The following SPEF2 variants were observed in gnomAD, a reference collection of about 807,000 sequenced individuals.
The protein encoded by SPEF2 is sperm flagellar and cilia associated 2, also known as sperm flagella and cilia-associated protein 2.
A neutral mutation model predicts 224.6 loss-of-function variants in SPEF2; 187 were observed. That is an observed-to-expected ratio of 0.83 (90% CI 0.74 to 0.94). The LOEUF is 0.94. Ranked by LOEUF, SPEF2 falls within the 40% of genes least tolerant of loss-of-function variation. SPEF2 has a pLI of 0.00. For missense variants in SPEF2, 2,170 were observed against 2,135.6 expected, an observed-to-expected ratio of 1.02 and a Z score of -0.32; for synonymous variants, 715 against 707.3, an observed-to-expected ratio of 1.01 and a Z score of -0.17.
rs115467404 is a variant in SPEF2, at chr5:35,735,575, C to T, written c.3064-4344C>T. ...GGGAGATTAGATAATGTATCTGTAG[C>T]ATTTGGCATTTCTTGATTGGAGAGG... On this transcript the variant is annotated intron_variant, in intron 21 of 36. Coordinates refer to ENST00000356031, the MANE Select transcript of SPEF2 (RefSeq NM_024867.4). Among the ~76,000 whole-genome samples the T allele has an allele frequency of 2.6e-3, 400 of 152,310 alleles. 1 individual carries two copies. Among genetic ancestry groups the T allele is most frequent in the Non-Finnish European group, 4.7e-3 (317 of 68,034 alleles).
In SPEF2 at chr5:35,715,816, C is replaced by CCTTTTTTTTTTTTTTTTTTTTTT. The variant is rs70973054; in HGVS notation, c.2914+2930_2914+2931insCTTTTTTTTTTTTTTTTTTTTTT. ...TCTGTGAAATAGGGGGATATAATTT[C>CCTTTTTTTTTTTTTTTTTTTTTT]TTTTTTTTTTTTTTTTTGAGACAGA... On this transcript the variant is annotated intron_variant, in intron 20 of 36. Coordinates refer to ENST00000356031, the MANE Select transcript of SPEF2 (RefSeq NM_024867.4). 1.7e-5 allele frequency among the ~76,000 whole-genome samples: 2 copies of CCTTTTTTTTTTTTTTTTTTTTTT among 117,936 alleles called. 1 individual carries two copies. The allele number at this position is 117,936 out of a possible 152,430, so 77.4% of individuals were successfully genotyped here. A position where few individuals can be genotyped will look rare whatever the true frequency, so the allele number is the denominator to read the frequency against.
At chr5:35,719,852 C>T (rs140894051) in intron 20 of SPEF2, among the ~76,000 whole-genome samples, 1 of 152,128 alleles carries the variant, frequency 6.6e-6, no homozygotes, top group Non-Finnish European at 1.5e-5. Context: ...GAACCACTGA[C>T]CTCATGGTCC....
intron 30 of SPEF2, among the ~76,000 whole-genome samples, chr5:35,780,461 A>G (rs527342763): frequency 3.0e-4 from 45 of 152,268 alleles, no homozygotes; most frequent in Admixed American, 8.5e-4. Context: ...ATAAAAGCCC[A>G]CACTTCAGCT....
intron 36 of SPEF2, among the ~76,000 whole-genome samples, chr5:35,812,884 G>T (rs1242718573): frequency 6.6e-6 from 1 of 152,138 alleles, no homozygotes; most frequent in Non-Finnish European, 1.5e-5. Flanking sequence ...TATTCTCTAA[G>T]CTTCTCCTTT....
At chr5:35,757,564 A>G (rs562408060) in intron 24 of SPEF2, among the ~76,000 whole-genome samples, 9 of 152,250 alleles carry the variant, frequency 5.9e-5, no homozygotes, top group Admixed American at 5.2e-4. Flanking sequence ...ATTTGATCCT[A>G]TTCACCATAA....
Position 35,777,664 on chromosome 5 carries a change from C to CAAATAAATAAATAAATAAAT in SPEF2, c.4217+1299_4217+1318dup, listed in dbSNP as rs35899152. On this transcript the variant is annotated intron_variant, in intron 29 of 36. Coordinates refer to ENST00000356031, the MANE Select transcript of SPEF2 (RefSeq NM_024867.4). ...GAAGTTAAAACCTAGAAATGTGATACAAATAAATAAATAAATAAATAAATA... is the reference window on the plus strand; with the variant it reads ...GAAGTTAAAACCTAGAAATGTGATACAAATAAATAAATAAATAAATAAATAAATAAATAAATAAATAAATA... 1.3e-3 allele frequency among the ~76,000 whole-genome samples: 194 copies of CAAATAAATAAATAAATAAAT among 144,060 alleles called. 1 individual carries two copies. Among genetic ancestry groups the CAAATAAATAAATAAATAAAT allele is most frequent in the Middle Eastern group, 3.6e-3 (1 of 278 alleles). 94.5% of individuals were successfully genotyped at this position (144,060 alleles called of 152,430 possible).
intron 2 of SPEF2, among the ~76,000 whole-genome samples, chr5:35,637,858 G>T (rs2149392735): frequency 6.6e-6 from 1 of 152,244 alleles, no homozygotes; most frequent in South Asian, 2.1e-4. Context: ...GCCAGGGTAG[G>T]TAGGTCAGTG....
In SPEF2 at chr5:35,695,692, G is replaced by A. The variant is rs754890897; in HGVS notation, c.1976-43G>A. 54 of 1,537,526 alleles carry A rather than the reference G, an allele frequency of 3.5e-5. No homozygotes were observed. The South Asian group carries it at 5.4e-4, about 15-fold the overall frequency. On this transcript the variant is annotated intron_variant, in intron 13 of 36. Coordinates refer to ENST00000356031, the MANE Select transcript of SPEF2 (RefSeq NM_024867.4). The stretch of plus-strand genomic sequence containing the variant: ...TCAAATACTGCTTTGGTTGTTAGGT[G>A]TAAATACCAGAAATTTGTTCTTACC...
At chr5:35,730,515 A>T (rs1745470296) in intron 21 of SPEF2, among the ~76,000 whole-genome samples, 1 of 152,254 alleles carries the variant, frequency 6.6e-6, no homozygotes, top group African/African-American at 2.4e-5. Context: ...AGGCTGACAG[A>T]CATAGGACTC....
intron 4 of SPEF2, among the ~76,000 whole-genome samples, chr5:35,646,030 A>G (rs903995190): frequency 1.1e-4 from 16 of 152,228 alleles, no homozygotes; most frequent in East Asian, 3.9e-4. Flanking sequence ...TTACTTTTAA[A>G]ATACTTTATC....
At chr5:35,761,597 C>T (rs1403491907) in intron 25 of SPEF2, among the ~76,000 whole-genome samples, 1 of 151,970 alleles carries the variant, frequency 6.6e-6, no homozygotes, top group Middle Eastern at 3.2e-3. Context: ...ACAAGAATAT[C>T]TAAGAGTAAA....
rs574786082 is a variant in SPEF2 at position 35,763,428 on chromosome 5, C to A, written c.3621-94C>A. On this transcript the variant is annotated intron_variant, in intron 25 of 36. Coordinates refer to ENST00000356031, the MANE Select transcript of SPEF2 (RefSeq NM_024867.4). ...GAAAACTTTGAAAATTGAGATTAAACCAAGACAGTAAAATTTACAAAGTAA... is the reference window on the plus strand; with the variant it reads ...GAAAACTTTGAAAATTGAGATTAAAACAAGACAGTAAAATTTACAAAGTAA... 11 of 1,184,120 alleles carry A rather than the reference C, an allele frequency of 9.3e-6. No homozygotes were observed. The African/African-American group carries it at 1.2e-4, about 13-fold the overall frequency. The allele number at this position is 1,184,120 out of a possible 1,614,324, so 73.4% of individuals were successfully genotyped here.
intron 2 of SPEF2, among the ~76,000 whole-genome samples, chr5:35,633,200 A>G (rs1047701996): frequency 7.2e-5 from 11 of 152,118 alleles, no homozygotes; most frequent in African/African-American, 2.4e-4. Context: ...GATCTTCTGC[A>G]TAGTTGCTGT....
chr5:35,670,396 C>T, intron 10 of SPEF2, 169 bp downstream of exon 10: 1 of 1,360,314 alleles, frequency 7.4e-7, no homozygotes, highest in Non-Finnish European at 9.4e-7. Flanking sequence ...GATGCTTAAA[C>T]TATACATAAG....
rs1215386029 is a variant in SPEF2 at position 35,646,678 on chromosome 5, C to A, written c.597C>A (p.Asn199Lys). Residue 199 changes from asparagine to lysine, a missense_variant, in exon 5 of 37, where the codon AAC becomes AAA. Transcript: ENST00000356031. The stretch of plus-strand genomic sequence containing the variant: ...TATGGGATATTCAGCAATACTTAAA[C>A]AGAAGACGACAAAATGAAATAATGG... ...RCFDIEKQYL[N>K]RRRQNEIMAK... The A allele has an allele frequency of 6.2e-7, 1 of 1,613,422 alleles. No individual in the cohort carries two copies. The highest frequency in any genetic ancestry group is 2.2e-5 in the East Asian group (1 of 44,810).
chr5:35,697,718 A>G lies in SPEF2; in HGVS notation c.2066A>G (p.Lys689Arg). The G allele has an allele frequency of 6.2e-7, 1 of 1,613,474 alleles. No homozygotes were observed. Among genetic ancestry groups the G allele is most frequent in the Non-Finnish European group, 8.5e-7 (1 of 1,179,688 alleles). Residue 689 changes from lysine (K) to arginine (R), a missense_variant, in exon 15 of 37, where the codon AAA (lysine) becomes AGA (arginine). Coordinates refer to ENST00000356031, the MANE Select transcript of SPEF2 (RefSeq NM_024867.4). ...ACTACACGTGCTCAGCTTGGTGCAA[A>G]ATCAGAACAGTTGCTGAAGAAAGGA... ...KLTTRAQLGA[K>R]SEQLLKKGKS...
intron 2 of SPEF2, among the ~76,000 whole-genome samples, chr5:35,630,779 G>A (rs1331276248): frequency 6.6e-6 from 1 of 152,124 alleles, no homozygotes; most frequent in African/African-American, 2.4e-5. Flanking sequence ...AGATCTCTAG[G>A]GCAGGCGTAA....
intron 33 of SPEF2, among the ~76,000 whole-genome samples, chr5:35,797,342 G>C (rs1440126289): frequency 4.6e-5 from 7 of 151,986 alleles, no homozygotes; most frequent in East Asian, 3.9e-4. Flanking sequence ...GTGTGTGTGT[G>C]TGTGTGTGTG....
At chr5:35,710,792 A>G (rs1740952637) in intron 19 of SPEF2, 3 of 985,190 alleles carry the variant, frequency 3.0e-6, no homozygotes, top group Non-Finnish European at 3.6e-6. Context: ...TTGCTATTTT[A>G]TAATTATATT....
Sources: gnomAD v4.1 joint callset for allele counts (sites outside exome capture counted in the v4.1 genomes callset) on GRCh38, gnomAD v4.1.1 for gene constraint, MANE v1.5 for transcripts, NCBI Gene and HGNC (gene_info 2026-07-23, HGNC 2026-07-21) for gene names.